HOOK3: variants seen among roughly 807,000 people sequenced by gnomAD.
The protein encoded by HOOK3 is protein Hook homolog 3.
HOOK3 carries 24 observed loss-of-function variants against 116.3 expected under a neutral mutation model. The ratio of observed to expected loss-of-function variants is 0.21; its 90% CI spans 0.15 to 0.29. The LOEUF is 0.29. HOOK3 is among the 10% of genes least tolerant of loss of function. The pLI is 1.00. For missense variants in HOOK3, 632 were observed against 830.2 expected (o/e 0.76, Z 2.93); for synonymous variants, 275 against 283.0 (o/e 0.97, Z 0.28).
intron 6 of HOOK3, among the ~76,000 whole-genome samples, chr8:42,956,254 GTGTGTGTGTGT>G (rs986439397): frequency 6.6e-6 from 1 of 151,544 alleles, no homozygotes; most frequent in African/African-American, 2.4e-5. Flanking sequence ...GTGTGTGTGT[GTGTGTGTGTGT>G]TATCATTAAA....
At position 42,997,635 on chromosome 8, in the gene HOOK3, G is replaced by T. The variant is rs1468967757; in HGVS notation, c.1618G>T (p.Asp540Tyr). 1 of 1,567,920 alleles carries T rather than the reference G, an allele frequency of 6.4e-7. No homozygotes were observed. The highest frequency in any genetic ancestry group is 1.7e-5 in the Admixed American group (1 of 59,920). The change falls in exon 16 of 22, where the codon GAT becomes TAT. Residue 540 changes from aspartate (D) to tyrosine (Y), a missense_variant and splice_region_variant. Asp to Tyr is a radical substitution (Grantham distance 160, BLOSUM62 -3). Transcript: ENST00000307602. ...ACAGGATCAAGGCTCAAAAGCAGAA[G>T]ATGTAAGTTTTAATATGTACCAACG... ...SLQDQGSKAE[D>Y]SVLLKKKLEE...
At chr8:42,951,137 T>C (rs1195570687) in intron 6 of HOOK3, among the ~76,000 whole-genome samples, 11 of 152,192 alleles carry the variant, frequency 7.2e-5, no homozygotes, top group Non-Finnish European at 1.2e-4. Flanking sequence ...CTTGGCTCAC[T>C]GCAACCTCCA....
chr8:42,972,097 G>GTTAT (rs1271312952), intron 11 of HOOK3, among the ~76,000 whole-genome samples: 1 of 152,086 alleles, frequency 6.6e-6, no homozygotes, highest in East Asian at 1.9e-4. Context: ...TTTTTTGGTT[G>GTTAT]TTATTGCTGT....
chr8:42,996,776 T>C (rs1265927010), intron 15 of HOOK3, among the ~76,000 whole-genome samples: 3 of 152,190 alleles, frequency 2.0e-5, no homozygotes, highest in Non-Finnish European at 4.4e-5. Flanking sequence ...AGTTATTGCT[T>C]CTTTGACCAT....
intron 5 of HOOK3, among the ~76,000 whole-genome samples, chr8:42,944,543 G>A (rs748607317): frequency 1.3e-5 from 2 of 152,128 alleles, no homozygotes; most frequent in Non-Finnish European, 2.9e-5. Flanking sequence ...TAATGGGGCC[G>A]GGCGCAGTGG....
intron 16 of HOOK3, among the ~76,000 whole-genome samples, chr8:43,000,434 T>C (rs1200468839): frequency 6.6e-6 from 1 of 152,198 alleles, no homozygotes; most frequent in Non-Finnish European, 1.5e-5. Flanking sequence ...ACAATTAAGA[T>C]ACTCAAAGGA....
rs1003184116 is a variant in HOOK3, at chr8:43,003,758, C to T, written c.1655+1617C>T. Among the ~76,000 whole-genome samples the T allele has an allele frequency of 4.6e-5, 7 of 152,238 alleles. No individual in the cohort carries two copies. The East Asian group carries it at 9.7e-4, about 21-fold the overall frequency. On this transcript the variant is annotated intron_variant, in intron 17 of 21. Coordinates refer to ENST00000307602, the MANE Select transcript of HOOK3 (RefSeq NM_032410.4). ...TGTGATCCTTCTTGTGGCTGGTAAC[C>T]GCCAGCAGTCCTGATGTTTTTGGTT...
At chr8:42,951,359 G>T (rs1808342513) in intron 6 of HOOK3, among the ~76,000 whole-genome samples, 1 of 152,180 alleles carries the variant, frequency 6.6e-6, no homozygotes, top group Admixed American at 6.5e-5. Context: ...ACGGCGCCCG[G>T]CCAAATAATA....
In HOOK3 at chr8:43,024,450, T is replaced by C. The variant is rs560901019; in HGVS notation, c.*5952T>C. 14 of 186,158 alleles carry C rather than the reference T, an allele frequency of 7.5e-5. No individual in the cohort carries two copies. The South Asian group carries it at 2.7e-3, about 36-fold the overall frequency. 11.5% of individuals were successfully genotyped at this position (186,158 alleles called of 1,614,324 possible). On this transcript the variant is annotated 3_prime_UTR_variant, in exon 22 of 22. Transcript: ENST00000307602. ...TTTTATAAATTAGAAGGATTTTCCA[T>C]TCAATAAGGATAATCTCTCTTCCTA...
In HOOK3 at chr8:42,997,652, G is replaced by A. The variant is rs568910604; in HGVS notation, c.1620+15G>A. Reference sequence around the variant, plus strand: ...AAGCAGAAGATGTAAGTTTTAATATGTACCAACGATGGTCCATCAGTTTCA... The same window carrying A: ...AAGCAGAAGATGTAAGTTTTAATATATACCAACGATGGTCCATCAGTTTCA... On this transcript the variant is annotated intron_variant, in intron 16 of 21. Transcript: ENST00000307602. 4 of 1,342,778 alleles carry A rather than the reference G, an allele frequency of 3.0e-6. No individual in the cohort carries two copies. The South Asian group carries it at 4.7e-5, about 16-fold the overall frequency. 83.2% of individuals were successfully genotyped at this position (1,342,778 alleles called of 1,614,324 possible). A position where few individuals can be genotyped will look rare whatever the true frequency, so the allele number is the denominator to read the frequency against.
chr8:42,983,506 C>A (rs1808992920), intron 14 of HOOK3, among the ~76,000 whole-genome samples: 1 of 151,988 alleles, frequency 6.6e-6, no homozygotes, highest in African/African-American at 2.4e-5. Context: ...TATTTAGAGG[C>A]AAGGTCTTGC....
At chr8:42,911,430 G>A (rs755545592) in intron 2 of HOOK3, among the ~76,000 whole-genome samples, 2 of 152,138 alleles carry the variant, frequency 1.3e-5, no homozygotes, top group African/African-American at 2.4e-5. Context: ...CAGCCTGGGC[G>A]ACAGAGTGAG....
At chr8:42,972,491 A>G (rs908193072) in intron 11 of HOOK3, among the ~76,000 whole-genome samples, 9 of 152,100 alleles carry the variant, frequency 5.9e-5, no homozygotes, top group Non-Finnish European at 1.0e-4. Context: ...AGCTCACTGC[A>G]ATCTTGAACT....
intron 1 of HOOK3, among the ~76,000 whole-genome samples, chr8:42,899,392 T>G (rs1487785405): frequency 6.6e-6 from 1 of 152,230 alleles, no homozygotes; most frequent in Non-Finnish European, 1.5e-5. Flanking sequence ...GTGACAAAAT[T>G]GGAGGGCAGT....
Position 43,022,040 on chromosome 8 carries a change from T to C in HOOK3, c.*3542T>C, listed in dbSNP as rs531873228. ...TAGTTTCATTACATAGGAGAAATTA[T>C]ATTTCTAAACATTTTATGATGTTTA... On this transcript the variant is annotated 3_prime_UTR_variant, in exon 22 of 22. Coordinates refer to ENST00000307602, the MANE Select transcript of HOOK3 (RefSeq NM_032410.4). 1 of 186,074 alleles carries C rather than the reference T, an allele frequency of 5.4e-6. No individual in the cohort carries two copies. Among genetic ancestry groups the C allele is most frequent in the South Asian group, 2.0e-4 (1 of 5,104 alleles). 11.5% of individuals were successfully genotyped at this position (186,074 alleles called of 1,614,324 possible).
At chr8:42,949,526 A>C (rs180699938) in intron 5 of HOOK3, 1 of 152,214 alleles carries the variant, frequency 6.6e-6, no homozygotes, top group African/African-American at 2.4e-5. Context: ...GGATTATACA[A>C]TATTTGTTTA....
chr8:42,925,762 A>C, intron 3 of HOOK3, 133 bp downstream of exon 3: 1 of 608,348 alleles, frequency 1.6e-6, no homozygotes, highest in Non-Finnish European at 2.9e-6. Context: ...GTAGAATTGA[A>C]GATTGAACTC....
At chr8:42,941,718 A>G (rs937117215) in intron 4 of HOOK3, among the ~76,000 whole-genome samples, 1 of 151,996 alleles carries the variant, frequency 6.6e-6, no homozygotes, top group Non-Finnish European at 1.5e-5. Context: ...ATAACTTATG[A>G]GGACCTAAGT....
At chr8:42,933,447 T>C (rs1473972182) in intron 4 of HOOK3, among the ~76,000 whole-genome samples, 2 of 152,206 alleles carry the variant, frequency 1.3e-5, no homozygotes, top group Non-Finnish European at 2.9e-5. Context: ...GGTTACACCA[T>C]TATTCCATTA....
Sources: gnomAD v4.1 joint callset for allele counts (sites outside exome capture counted in the v4.1 genomes callset) on GRCh38, gnomAD v4.1.1 for gene constraint, MANE v1.5 for transcripts, NCBI Gene and HGNC (gene_info 2026-07-23, HGNC 2026-07-21) for gene names.